Variants in MLIP observed in about 807,000 individuals in gnomAD.
MLIP encodes muscular LMNA interacting protein.
Under a neutral mutation model 84.8 loss-of-function variants are expected in MLIP, and 79 were observed. That is an observed-to-expected ratio of 0.93 (90% CI 0.78 to 1.12). The LOEUF (loss-of-function observed/expected upper bound fraction) is 1.12, where lower values mean the gene tolerates loss of function less well. MLIP is among the 50% of genes most tolerant of loss of function. MLIP has a pLI of 0.00. For synonymous variants in MLIP, 504 were observed against 463.0 expected (o/e 1.09, Z -1.14); for missense variants, 1,257 against 1,160.6 (o/e 1.08, Z -1.21).
At chr6:54,239,622 A>C (rs1341823016) in intron 12 of MLIP, among the ~76,000 whole-genome samples, 1 of 146,572 alleles carries the variant, frequency 6.8e-6, no homozygotes, top group African/African-American at 2.6e-5. Context: ...TACTAAAAAT[A>C]CAAAAAAAAA....
intron 12 of MLIP, among the ~76,000 whole-genome samples, chr6:54,246,960 C>T (rs1782124850): frequency 6.6e-6 from 1 of 152,108 alleles, no homozygotes; most frequent in South Asian, 2.1e-4. Flanking sequence ...GGCAGCAACA[C>T]ACTTAATCAG....
At chr6:54,075,674 T>C (rs766378932) in intron 1 of MLIP, among the ~76,000 whole-genome samples, 2 of 152,248 alleles carry the variant, frequency 1.3e-5, no homozygotes, top group Non-Finnish European at 2.9e-5. Flanking sequence ...AACATTTCTA[T>C]GGGTCTATAG....
chr6:54,246,674 G>GT (rs769378285), intron 12 of MLIP, among the ~76,000 whole-genome samples: 7 of 151,924 alleles, frequency 4.6e-5, no homozygotes, highest in African/African-American at 7.2e-5. Context: ...CTGCTTTTCA[G>GT]TTTTTTATTG....
At chr6:54,194,286 C>T (rs1003596293) in intron 10 of MLIP, among the ~76,000 whole-genome samples, 4 of 152,078 alleles carry the variant, frequency 2.6e-5, no homozygotes, top group Admixed American at 6.6e-5. Context: ...TATGTAGAAC[C>T]GATGTCTCCT....
chr6:54,083,429 A>T, intron 1 of MLIP: 3 of 1,493,416 alleles, frequency 2.0e-6, no homozygotes, highest in Non-Finnish European at 2.7e-6. Flanking sequence ...GGAGGGCATA[A>T]TTTGTACAGT....
Position 54,249,412 on chromosome 6 carries a change from A to G in MLIP, c.2923-7896A>G, listed in dbSNP as rs138397352. On this transcript the variant is annotated intron_variant, in intron 12 of 13. Transcript: ENST00000502396. ...AAAATAAATATTAATAAATGTTGTA[A>G]TATATTTTTGATATTTGGCCTAATA... 1.3e-3 allele frequency among the ~76,000 whole-genome samples: 196 copies of G among 152,164 alleles called. 1 individual carries two copies. The highest frequency in any genetic ancestry group is 4.5e-3 in the African/African-American group (186 of 41,514).
intron 1 of MLIP, among the ~76,000 whole-genome samples, chr6:54,076,642 G>A (rs1766821781): frequency 6.6e-6 from 1 of 152,162 alleles, no homozygotes. Flanking sequence ...GCCTCTGGGT[G>A]GCTTTTTCCA....
intron 10 of MLIP, among the ~76,000 whole-genome samples, chr6:54,190,117 C>T (rs1490171584): frequency 1.3e-5 from 2 of 152,096 alleles, no homozygotes; most frequent in Non-Finnish European, 2.9e-5. Flanking sequence ...ATACATAGAC[C>T]TTACTTGCTA....
At chr6:54,249,369 A>G (rs1417197182) in intron 12 of MLIP, among the ~76,000 whole-genome samples, 2 of 152,116 alleles carry the variant, frequency 1.3e-5, no homozygotes, top group African/African-American at 4.8e-5. Flanking sequence ...AATTCTAAAA[A>G]TAAATATTTA....
rs1013708836 is a variant in MLIP, at chr6:54,190,052, A to G, written c.2589+138A>G. 6.3e-6 allele frequency: 4 copies of G among 630,154 alleles called. No individual in the cohort carries two copies. In the African/African-American group the frequency reaches 7.4e-5, roughly 12 times the overall value. The allele number at this position is 630,154 out of a possible 1,614,324, so 39.0% of individuals were successfully genotyped here. A position where few individuals can be genotyped will look rare whatever the true frequency, so the allele number is the denominator to read the frequency against. ...ACTTGTCTAATAACATTTTACTGAT[A>G]TTTTCCAAAAGCTCCATGGTGGTTG... On this transcript the variant is annotated intron_variant, in intron 10 of 13. Coordinates refer to ENST00000502396, the MANE Select transcript of MLIP (RefSeq NM_001281747.2).
intron 1 of MLIP, among the ~76,000 whole-genome samples, chr6:54,042,621 A>G (rs1045391718): frequency 6.6e-6 from 1 of 152,184 alleles, no homozygotes; most frequent in Non-Finnish European, 1.5e-5. Flanking sequence ...TGTGACATGA[A>G]CTAAGCATGT....
chr6:54,184,273 T>C (rs993194405), intron 9 of MLIP, among the ~76,000 whole-genome samples: 1 of 152,124 alleles, frequency 6.6e-6, no homozygotes, highest in Non-Finnish European at 1.5e-5. Context: ...CCTGACATTA[T>C]ATTCAGGTGG....
intron 1 of MLIP, among the ~76,000 whole-genome samples, chr6:54,039,515 A>G (rs546196716): frequency 2.5e-4 from 38 of 151,890 alleles, no homozygotes; most frequent in Non-Finnish European, 5.2e-4. Flanking sequence ...AGATTTAAAG[A>G]TGGAATGAAT....
At chr6:54,261,844 A>G (rs1783414158) in intron 13 of MLIP, 2 of 570,426 alleles carry the variant, frequency 3.5e-6, no homozygotes, top group Non-Finnish European at 4.4e-6. Flanking sequence ...CCAAAACATT[A>G]TTTCTCAAAA....
intron 1 of MLIP, among the ~76,000 whole-genome samples, chr6:54,027,523 A>T (rs1265647980): frequency 6.6e-6 from 1 of 152,190 alleles, no homozygotes; most frequent in Non-Finnish European, 1.5e-5. Flanking sequence ...TACCTGACAC[A>T]GATATCTTAG....
chr6:54,148,122 T>C (rs1773051564), intron 4 of MLIP, among the ~76,000 whole-genome samples: 1 of 152,158 alleles, frequency 6.6e-6, no homozygotes, highest in Admixed American at 6.6e-5. Flanking sequence ...ACACTTTGTT[T>C]TGCTTTTGAA....
chr6:54,103,246 T>A (rs1392867982), intron 1 of MLIP, among the ~76,000 whole-genome samples: 1 of 152,144 alleles, frequency 6.6e-6, no homozygotes, highest in Non-Finnish European at 1.5e-5. Context: ...AACATATGTA[T>A]GTGTCAGACT....
At chr6:54,129,004 GAAGT>G (rs1194409474) in intron 3 of MLIP, among the ~76,000 whole-genome samples, 1 of 151,950 alleles carries the variant, frequency 6.6e-6, no homozygotes, top group African/African-American at 2.4e-5. Flanking sequence ...ATGTAGCTCA[GAAGT>G]AAGAACTGGG....
chr6:54,130,751 A>G (rs926923521), intron 3 of MLIP, among the ~76,000 whole-genome samples: 5 of 152,194 alleles, frequency 3.3e-5, no homozygotes, highest in African/African-American at 1.2e-4. Context: ...AAGGGTTCAC[A>G]GAGGCAGTGT....
Sources: allele counts gnomAD v4.1 joint callset (sites outside exome capture counted in the v4.1 genomes callset), GRCh38; gene constraint gnomAD v4.1.1; transcripts MANE v1.5; gene names NCBI Gene and HGNC (gene_info 2026-07-23, HGNC 2026-07-21).